DLGAP2: variants seen among roughly 807,000 people sequenced by gnomAD.
DLGAP2 encodes the protein disks large-associated protein 2.
A neutral mutation model predicts 100.3 loss-of-function variants in DLGAP2; 26 were observed. The observed-to-expected ratio is 0.26, with a 90% CI of 0.19 to 0.36. The LOEUF (loss-of-function observed/expected upper bound fraction) is 0.36. Ranked by LOEUF, DLGAP2 falls within the 10% of genes least tolerant of loss-of-function variation. The pLI, the probability that DLGAP2 is intolerant of heterozygous loss-of-function variation, is 1.00. For synonymous variants in DLGAP2, 886 were observed against 630.1 expected (o/e 1.41, Z -6.08); for missense variants, 1,858 against 1,453.2 (o/e 1.28, Z -4.53).
At chr8:926,272 G>T (rs776874962) in intron 2 of DLGAP2, among the ~76,000 whole-genome samples, 2 of 152,138 alleles carry the variant, frequency 1.3e-5, no homozygotes, top group Non-Finnish European at 2.9e-5. Flanking sequence ...CATTCAGCCT[G>T]GCCAGGCCTA....
chr8:1,598,691 C>G (rs1796533122), intron 6 of DLGAP2, among the ~76,000 whole-genome samples: 1 of 152,136 alleles, frequency 6.6e-6, no homozygotes, highest in Non-Finnish European at 1.5e-5. Flanking sequence ...GTTTGTATTT[C>G]TGTGGGATCA....
intron 1 of DLGAP2, among the ~76,000 whole-genome samples, chr8:740,883 T>A (rs1820465351): frequency 6.6e-6 from 1 of 152,240 alleles, no homozygotes; most frequent in South Asian, 2.1e-4. Flanking sequence ...GGATGCTCCA[T>A]GGTCATTCAT....
At position 802,035 on chromosome 8, in the gene DLGAP2, C is replaced by T. The variant is rs1477330387; in HGVS notation, c.18+64210C>T. 6.0e-4 allele frequency among the ~76,000 whole-genome samples: 80 copies of T among 133,560 alleles called. 1 individual carries two copies. The highest frequency in any genetic ancestry group is 7.2e-4 in the Non-Finnish European group (43 of 59,932). 87.6% of individuals were successfully genotyped at this position (133,560 alleles called of 152,430 possible). ...CAGTCCGCACCCCTCCTGGGCCCTCCATCCTCACGGCCTGGGGAACAGTCT... is the reference window on the plus strand; with the variant it reads ...CAGTCCGCACCCCTCCTGGGCCCTCTATCCTCACGGCCTGGGGAACAGTCT... On this transcript the variant is annotated intron_variant, in intron 1 of 14. Transcript: ENST00000637795.
rs190108124 is a variant in DLGAP2 at position 1,315,171 on chromosome 8, C to G, written c.106+56288C>G. Among the ~76,000 whole-genome samples, 14 of 152,336 alleles carry G rather than the reference C, an allele frequency of 9.2e-5. No homozygotes were observed. In the South Asian group the frequency reaches 2.9e-3, roughly 32 times the overall value. ...CTGGAGAAAGTCAAGAAATAACTTG[C>G]GATAATTCCCAACACTCAAGAAACT... On this transcript the variant is annotated intron_variant, in intron 3 of 14. Transcript: ENST00000637795.
chr8:1,441,721 A>G (rs1475657019), intron 3 of DLGAP2, among the ~76,000 whole-genome samples: 1 of 150,536 alleles, frequency 6.6e-6, no homozygotes, highest in African/African-American at 2.4e-5. Context: ...CATATTTAGC[A>G]TCACTGTTGG....
At chr8:1,316,484 C>G (rs71516181) in intron 3 of DLGAP2, among the ~76,000 whole-genome samples, 2 of 117,032 alleles carry the variant, frequency 1.7e-5, no homozygotes, top group African/African-American at 6.4e-5. Context: ...AGAGCGTGTG[C>G]GAGTGCAGCG....
At chr8:909,520 T>C (rs377199766) in intron 2 of DLGAP2, among the ~76,000 whole-genome samples, 54 of 152,246 alleles carry the variant, frequency 3.5e-4, no homozygotes, top group African/African-American at 1.3e-3. Flanking sequence ...TTGGAAAACA[T>C]TGCCAACTGA....
chr8:1,239,503 T>C (rs1798734548), intron 2 of DLGAP2, among the ~76,000 whole-genome samples: 1 of 68,242 alleles, frequency 1.5e-5, no homozygotes, highest in African/African-American at 8.0e-5. Flanking sequence ...ACACAGAGCA[T>C]CGTGTCTAGT....
chr8:1,130,301 T>G (rs1796263003), intron 2 of DLGAP2, among the ~76,000 whole-genome samples: 1 of 152,182 alleles, frequency 6.6e-6, no homozygotes, highest in African/African-American at 2.4e-5. Context: ...AGTGTTCTGT[T>G]TTTTGGTATA....
Position 1,678,597 on chromosome 8 carries a change from G to A in DLGAP2, c.2672G>A (p.Arg891Lys), listed in dbSNP as rs376318878. ...RMEGWCKEME[R>K]EAEENDLSEE... ...GAAGGCTGGTGCAAAGAGATGGAGA[G>A]AGAGGCGGAGGAGAACGACCTCTCG... Residue 891 changes from arginine (R) to lysine (K), a missense_variant, in exon 12 of 15, where the codon AGA becomes AAA. By Grantham distance (26) the Arg-to-Lys change is conservative. Transcript: ENST00000637795. 2 of 1,570,412 alleles carry A rather than the reference G, an allele frequency of 1.3e-6. No homozygotes were observed. The highest frequency in any genetic ancestry group is 2.4e-5 in the South Asian group (2 of 85,068).
intron 2 of DLGAP2, among the ~76,000 whole-genome samples, chr8:1,114,498 A>G (rs1306727716): frequency 7.2e-5 from 11 of 152,052 alleles, no homozygotes; most frequent in Non-Finnish European, 2.9e-5. Flanking sequence ...AGGTGTTCAT[A>G]GTAGTTTTTG....
chr8:919,280 C>G (rs768563152), intron 2 of DLGAP2, among the ~76,000 whole-genome samples: 6 of 152,188 alleles, frequency 3.9e-5, no homozygotes, highest in Non-Finnish European at 7.3e-5. Context: ...CCGTCCTGTC[C>G]TAGGTGCCCT....
intron 2 of DLGAP2, among the ~76,000 whole-genome samples, chr8:1,004,732 G>A (rs185191245): frequency 1.4e-4 from 22 of 152,322 alleles, no homozygotes; most frequent in Admixed American, 7.2e-4. Flanking sequence ...CAGCTGGGAG[G>A]TCGGCTTCAC....
intron 1 of DLGAP2, among the ~76,000 whole-genome samples, chr8:761,572 G>T (rs1204579549): frequency 1.3e-5 from 2 of 152,264 alleles, no homozygotes; most frequent in African/African-American, 4.8e-5. Context: ...CAGTGTGGGG[G>T]ATCCTGGCCG....
intron 2 of DLGAP2, among the ~76,000 whole-genome samples, chr8:1,044,813 C>T (rs1802472244): frequency 6.6e-6 from 1 of 152,212 alleles, no homozygotes; most frequent in African/African-American, 2.4e-5. Context: ...CGGGTCACCT[C>T]TCGACCTGCA....
intron 3 of DLGAP2, among the ~76,000 whole-genome samples, chr8:1,356,620 C>T (rs574323649): frequency 3.3e-5 from 5 of 152,162 alleles, no homozygotes; most frequent in East Asian, 3.9e-4. Context: ...TGGCAAAGTA[C>T]GAGGGGAAAA....
chr8:1,606,347 T>G (rs959117278), intron 6 of DLGAP2, among the ~76,000 whole-genome samples: 2 of 152,180 alleles, frequency 1.3e-5, no homozygotes, highest in Non-Finnish European at 2.9e-5. Flanking sequence ...CGAACATCAG[T>G]GCAATCCATT....
intron 3 of DLGAP2, among the ~76,000 whole-genome samples, chr8:1,408,637 C>T (rs1162914039): frequency 2.0e-5 from 3 of 152,190 alleles, no homozygotes; most frequent in Non-Finnish European, 4.4e-5. Context: ...TGGATTCACG[C>T]ATAACTTTGA....
At chr8:1,187,620 C>G (rs1356639065) in intron 2 of DLGAP2, among the ~76,000 whole-genome samples, 1 of 139,892 alleles carries the variant, frequency 7.1e-6, no homozygotes, top group Non-Finnish European at 1.5e-5. Context: ...CTCACACACC[C>G]AGGACCTCCG....
Sources: allele counts gnomAD v4.1 joint callset (sites outside exome capture counted in the v4.1 genomes callset), GRCh38; gene constraint gnomAD v4.1.1; transcripts MANE v1.5; gene names NCBI Gene and HGNC (gene_info 2026-07-23, HGNC 2026-07-21).